SERINC5: variants seen among roughly 807,000 people sequenced by gnomAD.
The protein encoded by SERINC5 is serine incorporator 5, also known as chromosome 5 open reading frame 12.
A neutral mutation model predicts 63.1 loss-of-function variants in SERINC5; 41 were observed. The observed-to-expected ratio is 0.65, with a 90% CI of 0.51 to 0.84. The LOEUF (loss-of-function observed/expected upper bound fraction) is 0.84. Among genes scored for constraint, SERINC5 ranks in the 40% least tolerant of loss-of-function variants. SERINC5 has a pLI of 0.00. For synonymous variants in SERINC5, 222 were observed against 215.2 expected, an observed-to-expected ratio of 1.03 and a Z score of -0.28; for missense variants, 523 against 573.0, an observed-to-expected ratio of 0.91 and a Z score of 0.89.
chr5:80,209,043 C>CT (rs1002996111), intron 1 of SERINC5, among the ~76,000 whole-genome samples: 1 of 152,176 alleles, frequency 6.6e-6, no homozygotes, highest in Non-Finnish European at 1.5e-5. Flanking sequence ...GAGTAGACTG[C>CT]TTGAGGCCAG....
At chr5:80,197,068 G>C (rs540413968) in intron 2 of SERINC5, among the ~76,000 whole-genome samples, 1 of 152,210 alleles carries the variant, frequency 6.6e-6, no homozygotes, top group Middle Eastern at 3.4e-3. Context: ...TGCTAAGTGG[G>C]CCAGGTGCGG....
chr5:80,210,444 C>T (rs1750381601), intron 1 of SERINC5, among the ~76,000 whole-genome samples: 5 of 152,210 alleles, frequency 3.3e-5, no homozygotes, highest in Admixed American at 3.3e-4. Context: ...CAGCCTTGGG[C>T]ACAGATGGTC....
At position 80,153,681 on chromosome 5, in the gene SERINC5, G is replaced by C. The variant is rs1304442567; in HGVS notation, c.987-2733C>G. On this transcript the variant is annotated intron_variant, in intron 8 of 11. Coordinates refer to ENST00000507668, the MANE Select transcript of SERINC5 (RefSeq NM_001174072.3). Reference sequence around the variant, plus strand: ...GATAGGAGGAGACTTACAGCATTGGGTTAAGACAATGCTTTATTGTACGGA... The same window carrying C: ...GATAGGAGGAGACTTACAGCATTGGCTTAAGACAATGCTTTATTGTACGGA... Among the ~76,000 whole-genome samples the C allele has an allele frequency of 2.0e-5, 3 of 152,026 alleles. No homozygotes were observed. In the South Asian group the frequency reaches 6.2e-4, roughly 32 times the overall value.
chr5:80,170,648 GA>G (rs1314488998), intron 5 of SERINC5, among the ~76,000 whole-genome samples: 2 of 152,136 alleles, frequency 1.3e-5, no homozygotes, highest in African/African-American at 4.8e-5. Context: ...TTGGCAGGAT[GA>G]AAAAAGTGGC....
chr5:80,174,206 CAAAAAA>C (rs561883887), intron 5 of SERINC5, among the ~76,000 whole-genome samples: 1 of 151,410 alleles, frequency 6.6e-6, no homozygotes, highest in Non-Finnish European at 1.5e-5. Context: ...ACCAAGCAAA[CAAAAAA>C]AGAAATTAGC....
At chr5:80,154,568 T>C (rs1280638248) in intron 8 of SERINC5, among the ~76,000 whole-genome samples, 2 of 152,008 alleles carry the variant, frequency 1.3e-5, no homozygotes, top group Non-Finnish European at 2.9e-5. Context: ...TCTCCCCCTC[T>C]CCTGGTGGGG....
rs111801267 is a variant in SERINC5, at chr5:80,181,045, C to T, written c.196-2981G>A. On this transcript the variant is annotated intron_variant, in intron 2 of 11. Transcript: ENST00000507668. ...GGATGCACGAGGCCTTCTGCCTTCT[C>T]CAGGGGTGTGGCTAATGCATAGCGC... 6.7e-3 allele frequency among the ~76,000 whole-genome samples: 1,020 copies of T among 152,220 alleles called. 15 individuals carry two copies. Among genetic ancestry groups the T allele is most frequent in the African/African-American group, 0.023 (960 of 41,534 alleles).
chr5:80,139,822 A>C lies in SERINC5; in HGVS notation c.*3841T>G. ...TTTCTGGGTGTGTAAGGTCTTACTTAGTTCAAGGTTTGTCCCTTCTTAGTT... is the reference window on the plus strand; with the variant it reads ...TTTCTGGGTGTGTAAGGTCTTACTTCGTTCAAGGTTTGTCCCTTCTTAGTT... On this transcript the variant is annotated 3_prime_UTR_variant, in exon 12 of 12. Coordinates refer to ENST00000507668, the MANE Select transcript of SERINC5 (RefSeq NM_001174072.3). 1 of 985,438 alleles carries C rather than the reference A, an allele frequency of 1.0e-6. No individual in the cohort carries two copies. The highest frequency in any genetic ancestry group is 1.2e-6 in the Non-Finnish European group (1 of 829,936). 61.0% of individuals were successfully genotyped at this position (985,438 alleles called of 1,614,324 possible).
intron 7 of SERINC5, among the ~76,000 whole-genome samples, chr5:80,163,083 G>A (rs557424925): frequency 7.2e-5 from 11 of 152,002 alleles, no homozygotes; most frequent in Non-Finnish European, 1.0e-4. Flanking sequence ...TCAAGCTCCC[G>A]ACCTCAAATG....
Position 80,146,231 on chromosome 5 carries a change from G to T in SERINC5, c.1097C>A (p.Thr366Asn), listed in dbSNP as rs746460385. ...CFCFSPGGED[T>N]EEQQPGKEGP... The stretch of plus-strand genomic sequence containing the variant: ...CTCCTTCCCCGGCTGCTGCTCTTCA[G>T]TGTCTGTGAAGCACAGAGGGAGCCC... Residue 366 changes from threonine to asparagine, a missense_variant, in exon 11 of 12, where the codon ACT (threonine) becomes AAT (asparagine). By Grantham distance (65) the Thr-to-Asn change is moderately conservative. Coordinates refer to ENST00000507668, the MANE Select transcript of SERINC5 (RefSeq NM_001174072.3). 3.9e-5 allele frequency: 63 copies of T among 1,613,834 alleles called. 1 individual carries two copies. In the East Asian group the frequency reaches 4.7e-4, roughly 12 times the overall value.
chr5:80,251,459 G>T (rs1159250605), intron 1 of SERINC5, among the ~76,000 whole-genome samples: 1 of 152,170 alleles, frequency 6.6e-6, no homozygotes, highest in Non-Finnish European at 1.5e-5. Context: ...GGCCGGCGCA[G>T]TAGCTCATGC....
rs772581870 is a variant in SERINC5, at chr5:80,139,858, C to T, written c.*3805G>A. 178 of 985,122 alleles carry T rather than the reference C, an allele frequency of 1.8e-4. No homozygotes were observed. Among genetic ancestry groups the T allele is most frequent in the Non-Finnish European group, 2.0e-4 (167 of 829,896 alleles). The allele number at this position is 985,122 out of a possible 1,614,324, so 61.0% of individuals were successfully genotyped here. A position where few individuals can be genotyped will look rare whatever the true frequency, so the allele number is the denominator to read the frequency against. On this transcript the variant is annotated 3_prime_UTR_variant, in exon 12 of 12. Coordinates refer to ENST00000507668, the MANE Select transcript of SERINC5 (RefSeq NM_001174072.3). ...TGTCCCTTCTTAGTTGTAGGTTGGG[C>T]CCTCTTTCGTTTCCAAGAGGTATAG...
chr5:80,136,689 G>A (rs1311454556), downstream of SERINC5, among the ~76,000 whole-genome samples: 5 of 152,136 alleles, frequency 3.3e-5, no homozygotes, highest in South Asian at 2.1e-4. Flanking sequence ...GAAAATGCTC[G>A]CAAACAACAT....
At chr5:80,248,763 A>G (rs1752267274) in intron 1 of SERINC5, among the ~76,000 whole-genome samples, 1 of 152,208 alleles carries the variant, frequency 6.6e-6, no homozygotes, top group Non-Finnish European at 1.5e-5. Flanking sequence ...GATGGCCACC[A>G]TCATACAGCA....
intron 1 of SERINC5, among the ~76,000 whole-genome samples, chr5:80,223,231 A>G (rs2112543649): frequency 6.6e-6 from 1 of 152,258 alleles, no homozygotes; most frequent in South Asian, 2.1e-4. Flanking sequence ...TCTGCGAGGG[A>G]CTGGTTCCAG....
intron 11 of SERINC5, among the ~76,000 whole-genome samples, chr5:80,123,413 T>G (rs951987133): frequency 6.6e-6 from 1 of 152,244 alleles, no homozygotes; most frequent in Non-Finnish European, 1.5e-5. Context: ...TGAGCCTCCA[T>G]GCCTAGCTTC....
chr5:80,212,011 T>C (rs1023186376), intron 1 of SERINC5, among the ~76,000 whole-genome samples: 5 of 152,158 alleles, frequency 3.3e-5, no homozygotes, highest in Non-Finnish European at 7.3e-5. Context: ...AAGGACTTGC[T>C]CCTCAACGGG....
intron 2 of SERINC5, among the ~76,000 whole-genome samples, chr5:80,182,302 C>T (rs947197787): frequency 1.3e-5 from 2 of 152,138 alleles, no homozygotes; most frequent in Non-Finnish European, 2.9e-5. Context: ...TTCTTCTTTG[C>T]GTATTTCAAG....
At chr5:80,251,530 G>C (rs913655534) in intron 1 of SERINC5, among the ~76,000 whole-genome samples, 1 of 151,890 alleles carries the variant, frequency 6.6e-6, no homozygotes, top group African/African-American at 2.4e-5. Context: ...AGGAGTTCGA[G>C]ACCAGCCTGG....
Sources: gnomAD v4.1 joint callset for allele counts (sites outside exome capture counted in the v4.1 genomes callset) on GRCh38, gnomAD v4.1.1 for gene constraint, MANE v1.5 for transcripts, NCBI Gene and HGNC (gene_info 2026-07-23, HGNC 2026-07-21) for gene names.